The following ZNF385C variants were observed in gnomAD, a reference collection of about 807,000 sequenced individuals.
The protein encoded by ZNF385C is CTD-2132N18.2.
A neutral mutation model predicts 35.4 loss-of-function variants in ZNF385C; 28 were observed. The observed-to-expected ratio is 0.79, with a 90% CI of 0.59 to 1.08. The LOEUF is 1.08. Ranked by LOEUF, ZNF385C falls within the 50% of genes least tolerant of loss-of-function variation. The pLI, the probability that ZNF385C is intolerant of heterozygous loss-of-function variation, is 0.00. For synonymous variants in ZNF385C, 248 were observed against 248.2 expected (o/e 1.00, Z 0.01); for missense variants, 605 against 595.6 (o/e 1.02, Z -0.16).
intron 3 of ZNF385C, among the ~76,000 whole-genome samples, chr17:42,034,553 G>C (rs575451123): frequency 6.6e-6 from 1 of 152,032 alleles, no homozygotes; most frequent in Non-Finnish European, 1.5e-5. Context: ...GCCGAGGCAG[G>C]CAGATCACCT....
intron 1 of ZNF385C, among the ~76,000 whole-genome samples, chr17:42,097,456 T>C (rs1182758091): frequency 1.3e-5 from 2 of 151,872 alleles, no homozygotes; most frequent in African/African-American, 2.4e-5. Flanking sequence ...CTCCCCCCAT[T>C]GTCACCCGTG....
intron 1 of ZNF385C, among the ~76,000 whole-genome samples, chr17:42,077,836 ACTCT>A (rs1366247348): frequency 6.6e-6 from 1 of 151,154 alleles, no homozygotes; most frequent in Non-Finnish European, 1.5e-5. Context: ...GAAAGGGCAG[ACTCT>A]CTAGTGGCTT....
intron 2 of ZNF385C, among the ~76,000 whole-genome samples, chr17:42,052,624 T>C (rs986008181): frequency 6.6e-6 from 1 of 152,148 alleles, no homozygotes; most frequent in East Asian, 1.9e-4. Flanking sequence ...TGTATACATA[T>C]ACCCAGAGAG....
intron 1 of ZNF385C, among the ~76,000 whole-genome samples, chr17:42,093,904 G>A (rs1239501121): frequency 4.0e-5 from 6 of 151,654 alleles, no homozygotes; most frequent in Non-Finnish European, 5.9e-5. Flanking sequence ...TCCCTAGGAC[G>A]TGATATTCCC....
chr17:42,028,585 C>G (rs1203984595), intron 6 of ZNF385C, 198 bp downstream of exon 6: 3 of 709,846 alleles, frequency 4.2e-6, no homozygotes, highest in East Asian at 2.7e-5. Flanking sequence ...CTTGCTGCCT[C>G]AGACTTCTCT....
chr17:42,040,249 A>G, intron 2 of ZNF385C: 4 of 1,231,610 alleles, frequency 3.2e-6, no homozygotes, highest in Non-Finnish European at 4.0e-6. Flanking sequence ...CATGGAGTCC[A>G]GGAAGGATCC....
At chr17:42,028,707 C>T (rs1555654618) in intron 6 of ZNF385C, 76 bp downstream of exon 6, 2 of 1,478,658 alleles carry the variant, frequency 1.4e-6, no homozygotes, top group East Asian at 2.5e-5. Flanking sequence ...CCCAGGAACT[C>T]AAGCCTGCCC....
chr17:42,043,204 C>A, intron 2 of ZNF385C: 1 of 1,232,254 alleles, frequency 8.1e-7, no homozygotes. Flanking sequence ...TTCGGCTTTG[C>A]CATGCTTGTT....
intron 7 of ZNF385C, 69 bp downstream of exon 7, chr17:42,027,981 C>T: frequency 1.3e-6 from 2 of 1,561,014 alleles, no homozygotes; most frequent in Middle Eastern, 1.8e-4. Context: ...CAGGGTCCCT[C>T]CCTCTGCTGC....
At chr17:42,070,904 A>T (rs2053615241) in intron 1 of ZNF385C, among the ~76,000 whole-genome samples, 1 of 151,862 alleles carries the variant, frequency 6.6e-6, no homozygotes, top group Admixed American at 6.6e-5. Context: ...CCACCCTGCC[A>T]CCTCCCCACT....
chr17:42,090,677 G>A (rs191373002), intron 1 of ZNF385C, among the ~76,000 whole-genome samples: 2,369 of 151,516 alleles, frequency 0.016, 54 homozygotes, highest in African/African-American at 0.054. Flanking sequence ...GGCGGATCAC[G>A]AGGTCAGGAG....
rs536803359 is a variant in ZNF385C, at chr17:42,026,788, C to A, written c.*109G>T. 6 of 1,095,258 alleles carry A rather than the reference C, an allele frequency of 5.5e-6. No individual in the cohort carries two copies. The African/African-American group carries it at 9.3e-5, about 17-fold the overall frequency. 67.8% of individuals were successfully genotyped at this position (1,095,258 alleles called of 1,614,324 possible). ...CAGCTCTTTCTGGATCGGGCAGGAC[C>A]CCTGAAGCTGTTCACAGTCCCTGTG... On this transcript the variant is annotated 3_prime_UTR_variant, in exon 9 of 9. Coordinates refer to ENST00000692273, the MANE Select transcript of ZNF385C (RefSeq NM_001392013.1).
chr17:42,067,315 CTGTGGCACTT>C (rs531610108), intron 1 of ZNF385C, among the ~76,000 whole-genome samples: 11 of 152,310 alleles, frequency 7.2e-5, no homozygotes, highest in African/African-American at 2.4e-4. Context: ...GCCACCCAGC[CTGTGGCACTT>C]TGTTATGGGA....
In ZNF385C at chr17:42,027,738, A is replaced by G; in HGVS notation, c.1165-10T>C. ...TCCTGCTGCTCATGTGCTAATGGAC[A>G]GACAGACAGACTGGGAACAAGATGA... On this transcript the variant is annotated splice_polypyrimidine_tract_variant and intron_variant, in intron 7 of 8. Coordinates refer to ENST00000692273, the MANE Select transcript of ZNF385C (RefSeq NM_001392013.1). 1 of 1,607,008 alleles carries G rather than the reference A, an allele frequency of 6.2e-7. No homozygotes were observed. Among genetic ancestry groups the G allele is most frequent in the Non-Finnish European group, 8.5e-7 (1 of 1,176,994 alleles).
At chr17:42,085,435 A>C (rs1425840527) in intron 1 of ZNF385C, among the ~76,000 whole-genome samples, 1 of 146,532 alleles carries the variant, frequency 6.8e-6, no homozygotes, top group African/African-American at 2.5e-5. Context: ...CGTCCGGCTA[A>C]TTTTTTTCTT....
chr17:42,070,061 A>G (rs1448865302), intron 1 of ZNF385C, among the ~76,000 whole-genome samples: 1 of 147,404 alleles, frequency 6.8e-6, no homozygotes, highest in Admixed American at 6.8e-5. Flanking sequence ...TAAGTAAAAA[A>G]TAGCAGGGCG....
chr17:42,081,832 A>C (rs2053752797), intron 1 of ZNF385C, among the ~76,000 whole-genome samples: 1 of 152,214 alleles, frequency 6.6e-6, no homozygotes, highest in Non-Finnish European at 1.5e-5. Flanking sequence ...CTTGTCCGGC[A>C]TCCTAGGCTG....
chr17:42,027,144 A>G lies in ZNF385C; in HGVS notation c.1276-11T>C. ...CAAGGCCAGTTTAGACTACACGGAA[A>G]AGAAAGGAATGGACACAGTCTCCAC... is the stretch of plus-strand genomic sequence containing the variant. On this transcript the variant is annotated splice_polypyrimidine_tract_variant and intron_variant, in intron 8 of 8. Transcript: ENST00000692273. 3.7e-6 allele frequency: 6 copies of G among 1,612,430 alleles called. No homozygotes were observed. The highest frequency in any genetic ancestry group is 1.3e-5 in the African/African-American group (1 of 74,940).
At chr17:42,041,208 G>A (rs2053011833) in intron 2 of ZNF385C, 2 of 1,232,582 alleles carry the variant, frequency 1.6e-6, no homozygotes, top group Non-Finnish European at 2.0e-6. Context: ...GCCAGGGAAA[G>A]AAAGGGAGGG....
Sources: allele counts gnomAD v4.1 joint callset (sites outside exome capture counted in the v4.1 genomes callset), GRCh38; gene constraint gnomAD v4.1.1; transcripts MANE v1.5; gene names NCBI Gene and HGNC (gene_info 2026-07-23, HGNC 2026-07-21).